The following ECE1 variants were observed in gnomAD, a reference collection of about 807,000 sequenced individuals.
ECE1 encodes the protein endothelin-converting enzyme 1.
Under a neutral mutation model 98.6 loss-of-function variants are expected in ECE1, and 35 were observed. That is an observed-to-expected ratio of 0.35 (90% CI 0.27 to 0.47). The LOEUF is 0.47. ECE1 is among the 20% of genes least tolerant of loss of function. The pLI, the probability that ECE1 is intolerant of heterozygous loss-of-function variation, is 1.00. For missense variants in ECE1, 814 were observed against 1,025.3 expected (o/e 0.79, Z 2.81); for synonymous variants, 394 against 407.1 (o/e 0.97, Z 0.39).
At chr1:21,229,178 A>T (rs1016151280) in intron 14 of ECE1, among the ~76,000 whole-genome samples, 1 of 151,806 alleles carries the variant, frequency 6.6e-6, no homozygotes, top group Non-Finnish European at 1.5e-5. Flanking sequence ...CCTGAATACA[A>T]GACTTTTTTT....
At chr1:21,238,849 G>A (rs1021794837) in intron 10 of ECE1, among the ~76,000 whole-genome samples, 2 of 151,806 alleles carry the variant, frequency 1.3e-5, no homozygotes, top group African/African-American at 4.8e-5. Context: ...GTCTCGCTCT[G>A]TCACCTAGGC....
intron 4 of ECE1, among the ~76,000 whole-genome samples, chr1:21,263,828 C>T (rs185429334): frequency 3.3e-3 from 507 of 152,160 alleles, no homozygotes; most frequent in African/African-American, 0.012. Context: ...CCTCTTCCTC[C>T]CCCTGGTTCC....
In ECE1 at chr1:21,227,026, A is replaced by AT. The variant is rs199661411; in HGVS notation, c.1849+132dup. 3,822 of 756,174 alleles carry AT rather than the reference A, an allele frequency of 5.1e-3. 1 individual carries two copies. Among genetic ancestry groups the AT allele is most frequent in the Middle Eastern group, 6.9e-3 (18 of 2,614 alleles). 46.8% of individuals were successfully genotyped at this position (756,174 alleles called of 1,614,324 possible). A position where few individuals can be genotyped will look rare whatever the true frequency, so the allele number is the denominator to read the frequency against. On this transcript the variant is annotated intron_variant, in intron 16 of 18. Coordinates refer to ENST00000374893, the MANE Select transcript of ECE1 (RefSeq NM_001397.3). ...GGCATAATCCATCATGCACAGCCTA[A>AT]TTTTTTTTTTAGTAGAGATGGAGGT... is the stretch of plus-strand genomic sequence containing the variant.
chr1:21,295,032 A>G (rs564653269), upstream of ECE1, among the ~76,000 whole-genome samples: 1 of 152,360 alleles, frequency 6.6e-6, no homozygotes, highest in South Asian at 2.1e-4. Context: ...GCTATAATGT[A>G]GTGGGTAAAA....
chr1:21,236,885 G>C (rs2098188986), intron 11 of ECE1, 41 bp from the exon 12 acceptor site: 1 of 1,565,132 alleles, frequency 6.4e-7, no homozygotes, highest in African/African-American at 1.4e-5. Flanking sequence ...CTGCGCACTG[G>C]TCTCAGGTAA....
Position 21,290,010 on chromosome 1 carries a change from GCA to G in ECE1, c.138+58_138+59del. The G allele has an allele frequency of 7.9e-7, 1 of 1,267,840 alleles. No homozygotes were observed. Among genetic ancestry groups the G allele is most frequent in the Middle Eastern group, 2.8e-4 (1 of 3,610 alleles). The allele number at this position is 1,267,840 out of a possible 1,614,324, so 78.5% of individuals were successfully genotyped here. ...GGTAGGGGCGGGGGGCGCGGCAGCG[GCA>G]GCGCGCATGCCCGGGCCCGGGGCGC... On this transcript the variant is annotated intron_variant, in intron 2 of 18. Coordinates refer to ENST00000374893, the MANE Select transcript of ECE1 (RefSeq NM_001397.3). This position sits in a 1 kb window ranked among gnomAD's most constrained non-coding sequence, Gnocchi z 7.3.
Position 21,260,631 on chromosome 1 carries a change from C to T in ECE1, c.494-239G>A, listed in dbSNP as rs986352719. On this transcript the variant is annotated intron_variant, in intron 4 of 18. Transcript: ENST00000374893. The surrounding 1 kb of genome is among the most constrained non-coding windows in gnomAD (Gnocchi z 4.3). ...GACTGCAAAGAAAAAGAATCGACCA[C>T]GTTTCTCTCCCTCTGCCAGTTGGGT... 3.9e-5 allele frequency among the ~76,000 whole-genome samples: 6 copies of T among 152,182 alleles called. No homozygotes were observed. The highest frequency in any genetic ancestry group is 1.4e-4 in the African/African-American group (6 of 41,434).
At chr1:21,314,276 G>C (rs1012041844) in intron 1 of ECE1, among the ~76,000 whole-genome samples, 1 of 152,134 alleles carries the variant, frequency 6.6e-6, no homozygotes, top group Non-Finnish European at 1.5e-5. Context: ...TTCTGGGAAG[G>C]GGGCGCTGGC....
At chr1:21,236,709 G>T in intron 12 of ECE1, 37 bp downstream of exon 12, 1 of 1,588,094 alleles carries the variant, frequency 6.3e-7, no homozygotes, top group Non-Finnish European at 8.6e-7. Flanking sequence ...TGTGCTGGAC[G>T]CCGCAGCACC....
chr1:21,257,083 C>T (rs763104212), intron 7 of ECE1, among the ~76,000 whole-genome samples: 1 of 152,148 alleles, frequency 6.6e-6, no homozygotes, highest in Non-Finnish European at 1.5e-5. Flanking sequence ...GAATCTCAGG[C>T]TCGTCATTTA....
At position 21,235,140 on chromosome 1, in the gene ECE1, A is replaced by G. The variant is rs28368021; in HGVS notation, c.1566+710T>C. Among the ~76,000 whole-genome samples, 1 of 152,140 alleles carries G rather than the reference A, an allele frequency of 6.6e-6. No homozygotes were observed. Among genetic ancestry groups the G allele is most frequent in the African/African-American group, 2.4e-5 (1 of 41,428 alleles). ...ACTCCAGTCTGGGCAACAGAATGAG[A>G]CCCTGTCTCAAAAAAAATTTTTTCT... On this transcript the variant is annotated intron_variant, in intron 13 of 18. Coordinates refer to ENST00000374893, the MANE Select transcript of ECE1 (RefSeq NM_001397.3). This position sits in a 1 kb window ranked among gnomAD's most constrained non-coding sequence, Gnocchi z 4.2.
intron 10 of ECE1, among the ~76,000 whole-genome samples, chr1:21,239,084 T>C (rs1051371679): frequency 1.2e-4 from 19 of 152,038 alleles, no homozygotes; most frequent in Non-Finnish European, 2.4e-4. Context: ...CCACCTGCCT[T>C]GACTTCCCAG....
chr1:21,302,396 C>T (rs1043726189), intron 1 of ECE1, among the ~76,000 whole-genome samples: 2 of 152,214 alleles, frequency 1.3e-5, no homozygotes, highest in Admixed American at 1.3e-4. Context: ...GTCTGAGCCT[C>T]GACTTTCTCA....
chr1:21,219,917 C>T lies in ECE1; in HGVS notation c.*38G>A, dbSNP rs1374410523. ...CTGGATGGGGGTCTCGTCCTCAGCCCCTTCCCCTCCTCCGTCTTGGCTCTC... is the reference window on the plus strand; with the variant it reads ...CTGGATGGGGGTCTCGTCCTCAGCCTCTTCCCCTCCTCCGTCTTGGCTCTC... On this transcript the variant is annotated 3_prime_UTR_variant, in exon 19 of 19. Coordinates refer to ENST00000374893, the MANE Select transcript of ECE1 (RefSeq NM_001397.3). This position sits in a 1 kb window ranked among gnomAD's most constrained non-coding sequence, Gnocchi z 4.5. 1.9e-6 allele frequency: 3 copies of T among 1,612,714 alleles called. No individual in the cohort carries two copies. Among genetic ancestry groups the T allele is most frequent in the Admixed American group, 3.3e-5 (2 of 59,972 alleles).
chr1:21,232,861 A>G (rs913762522), intron 14 of ECE1, among the ~76,000 whole-genome samples: 3 of 151,970 alleles, frequency 2.0e-5, no homozygotes, highest in Non-Finnish European at 4.4e-5. Flanking sequence ...TATTTTTAGT[A>G]GAGACAGGGT....
At chr1:21,255,896 C>T (rs763296259) in intron 8 of ECE1, 51 bp downstream of exon 8, 14 of 1,599,966 alleles carry the variant, frequency 8.8e-6, no homozygotes, top group Middle Eastern at 3.3e-4. Flanking sequence ...AGGGCCCTGT[C>T]TGAAACCTGG....
chr1:21,265,737 C>A (rs1383851271), intron 4 of ECE1, among the ~76,000 whole-genome samples: 1 of 152,100 alleles, frequency 6.6e-6, no homozygotes, highest in African/African-American at 2.4e-5. Context: ...TCAGCAAGAC[C>A]AGGGCTTGAT....
chr1:21,239,194 T>C (rs868761756), intron 10 of ECE1, among the ~76,000 whole-genome samples: 6 of 152,110 alleles, frequency 3.9e-5, no homozygotes, highest in African/African-American at 1.2e-4. Flanking sequence ...CAACAGTCCA[T>C]ACAACCCCTC....
intron 2 of ECE1, among the ~76,000 whole-genome samples, chr1:21,283,637 C>A (rs2098257484): frequency 1.3e-5 from 2 of 152,130 alleles, no homozygotes; most frequent in South Asian, 2.1e-4. Context: ...GAAGTCGGGG[C>A]ATGAAGGCAA....
Sources: allele counts gnomAD v4.1 joint callset (sites outside exome capture counted in the v4.1 genomes callset), GRCh38; gene constraint gnomAD v4.1.1; non-coding constraint Gnocchi (gnomAD v3.1); transcripts MANE v1.5; gene names NCBI Gene and HGNC (gene_info 2026-07-23, HGNC 2026-07-21).